Variants in MCF2 observed in about 807,000 individuals in gnomAD.
The protein encoded by MCF2 is proto-oncogene DBL.
MCF2 carries 44 observed loss-of-function variants against 82.5 expected under a neutral mutation model. The ratio of observed to expected loss-of-function variants is 0.53; its 90% CI spans 0.42 to 0.69. MCF2 has a LOEUF of 0.69. Ranked by LOEUF, MCF2 falls within the 30% of genes least tolerant of loss-of-function variation. The probability of loss-of-function intolerance (pLI) is 0.00; values close to 1 mark genes in which losing one functional copy is unlikely to be tolerated. For missense variants in MCF2, 623 were observed against 663.1 expected, an observed-to-expected ratio of 0.94 and a Z score of 0.66; for synonymous variants, 217 against 224.9, an observed-to-expected ratio of 0.96 and a Z score of 0.32.
At chrX:139,652,453 T>C (rs1194143501) in intron 1 of MCF2, among the ~76,000 whole-genome samples, 1 of 111,611 alleles carries the variant, frequency 9.0e-6, no homozygotes, top group African/African-American at 3.3e-5. Context: ...CCTGGCATAA[T>C]GGTAAGTGTT....
rs1250376680 is a variant in MCF2, at chrX:139,595,150, A to G, written c.2277+1399T>C. 1.9e-3 allele frequency among the ~76,000 whole-genome samples: 206 copies of G among 109,075 alleles called. 1 individual carries two copies. The highest frequency in any genetic ancestry group is 6.5e-3 in the African/African-American group (193 of 29,872). The allele number at this position is 109,075 out of a possible 115,157, so 94.7% of individuals were successfully genotyped here. A position where few individuals can be genotyped will look rare whatever the true frequency, so the allele number is the denominator to read the frequency against. ...AGTGGGACTGTAAACTAGTTCAACC[A>G]TTGTGGAAGTCAGTGTGGCGATTCC... On this transcript the variant is annotated intron_variant, in intron 19 of 24. Transcript: ENST00000370576.
At chrX:139,602,300 G>A (rs1255472659) in intron 16 of MCF2, 106 bp downstream of exon 20, 4 of 617,609 alleles carry the variant, frequency 6.5e-6, no homozygotes, top group South Asian at 2.5e-5. Flanking sequence ...ACTCATATAC[G>A]TATATGCACA....
At chrX:139,596,711 C>T (rs373695492) in exon 19 of MCF2, 12 of 1,207,963 alleles carry the variant, frequency 9.9e-6, no homozygotes, top group Non-Finnish European at 1.3e-5. Context: ...CTTTCTTGTG[C>T]CCTATCCAAA....
chrX:139,689,506 A>G (rs751761440), intron 1 of MCF2, among the ~76,000 whole-genome samples: 1 of 108,810 alleles, frequency 9.2e-6, no homozygotes, highest in South Asian at 4.0e-4. Context: ...AAGTAAAACC[A>G]CTCAACATGC....
chrX:139,626,603 A>G lies in MCF2; in HGVS notation c.572+20T>C, dbSNP rs1371229123. The G allele has an allele frequency of 2.5e-6, 3 of 1,193,483 alleles. No homozygotes were observed. In the African/African-American group the frequency reaches 5.3e-5, roughly 21 times the overall value. On this transcript the variant is annotated intron_variant, in intron 5 of 24. Transcript: ENST00000370576. Reference sequence around the variant, plus strand: ...AAAAATATAAAATAAGTAACTCTAAACCAAAAAGAGAGTACTCACTTATTA... The same window carrying G: ...AAAAATATAAAATAAGTAACTCTAAGCCAAAAAGAGAGTACTCACTTATTA...
chrX:139,655,905 T>TAAAAGTGGC (rs1018702857), intron 1 of MCF2, among the ~76,000 whole-genome samples: 4 of 112,160 alleles, frequency 3.6e-5, no homozygotes, highest in African/African-American at 1.3e-4. Context: ...TTGTGCTGAA[T>TAAAAGTGGC]AAAAGTGGCA....
chrX:139,680,242 G>A (rs1423819595), intron 1 of MCF2, among the ~76,000 whole-genome samples: 1 of 111,900 alleles, frequency 8.9e-6, no homozygotes, highest in Non-Finnish European at 1.9e-5. Flanking sequence ...TCCCGCCTAA[G>A]CCTTCTGAGT....
intron 1 of MCF2, among the ~76,000 whole-genome samples, chrX:139,699,512 A>C (rs982774502): frequency 2.7e-5 from 3 of 112,035 alleles, no homozygotes; most frequent in Non-Finnish European, 5.6e-5. Context: ...TTAAGGCCCC[A>C]CATCACCACC....
intron 19 of MCF2, among the ~76,000 whole-genome samples, chrX:139,591,746 C>A (rs558671567): frequency 9.1e-6 from 1 of 109,926 alleles, no homozygotes; most frequent in East Asian, 2.9e-4. Context: ...AGAGGAGGGA[C>A]GGAGGGAGAG....
intron 1 of MCF2, among the ~76,000 whole-genome samples, chrX:139,693,573 T>C (rs1405673863): frequency 1.8e-5 from 2 of 110,261 alleles, no homozygotes; most frequent in Non-Finnish European, 3.8e-5. Flanking sequence ...CTTCTCGGAG[T>C]TGATTTACAT....
chrX:139,673,993 G>C (rs886529447), intron 1 of MCF2, among the ~76,000 whole-genome samples: 1 of 111,316 alleles, frequency 9.0e-6, no homozygotes, highest in African/African-American at 3.3e-5. Flanking sequence ...TATGAATCTG[G>C]GTGTTCCTGT....
At chrX:139,673,745 C>G (rs1779492988) in intron 1 of MCF2, among the ~76,000 whole-genome samples, 2 of 111,729 alleles carry the variant, frequency 1.8e-5, no homozygotes, top group African/African-American at 6.5e-5. Flanking sequence ...ACTATGTGGT[C>G]AATTTTGGAA....
At chrX:139,594,889 A>C (rs1929909431) in intron 19 of MCF2, among the ~76,000 whole-genome samples, 2 of 111,476 alleles carry the variant, frequency 1.8e-5, no homozygotes, top group South Asian at 7.5e-4. Context: ...AGAAAAAAAC[A>C]AATAACCCCA....
intron 1 of MCF2, chrX:139,691,766 G>A (rs968805578): frequency 8.5e-6 from 4 of 471,506 alleles, no homozygotes; most frequent in Admixed American, 7.1e-5. Flanking sequence ...GAGGTGGGGG[G>A]GTTGTATAGA....
At chrX:139,696,618 G>A (rs1275461463) in intron 1 of MCF2, among the ~76,000 whole-genome samples, 3 of 110,712 alleles carry the variant, frequency 2.7e-5, no homozygotes, top group African/African-American at 9.9e-5. Context: ...TAGTAGAGAC[G>A]GGGTTTCGCC....
chrX:139,615,741 T>C lies in MCF2; in HGVS notation c.1191+541A>G, dbSNP rs763840568. Among the ~76,000 whole-genome samples, 15 of 112,030 alleles carry C rather than the reference T, an allele frequency of 1.3e-4. No homozygotes were observed. The South Asian group carries it at 1.9e-3, about 14-fold the overall frequency. On this transcript the variant is annotated intron_variant, in intron 9 of 24. Coordinates refer to ENST00000370576, the Ensembl canonical transcript of MCF2. Reference sequence around the variant, plus strand: ...TGCTCTTATCTACAATGTGGAAAATTCTTCATGTCATTTCCAAGGGGGCAG... The same window carrying C: ...TGCTCTTATCTACAATGTGGAAAATCCTTCATGTCATTTCCAAGGGGGCAG...
intron 1 of MCF2, among the ~76,000 whole-genome samples, chrX:139,684,662 C>T (rs1171583955): frequency 7.1e-5 from 8 of 112,194 alleles, no homozygotes; most frequent in South Asian, 3.7e-4. Flanking sequence ...AATGACACAA[C>T]GACAACATGA....
exon 16 of MCF2, chrX:139,602,489 A>C: frequency 8.5e-7 from 1 of 1,174,536 alleles, no homozygotes; most frequent in Non-Finnish European, 1.2e-6. Context: ...TACATCTGAA[A>C]ATCATCCTTC....
intron 19 of MCF2, among the ~76,000 whole-genome samples, chrX:139,593,655 G>A (rs369377696): frequency 4.5e-5 from 5 of 111,020 alleles, no homozygotes; most frequent in African/African-American, 9.8e-5. Context: ...CTGGCAAACC[G>A]AATCCAGCAG....
Sources: allele counts gnomAD v4.1 joint callset (sites outside exome capture counted in the v4.1 genomes callset), GRCh38; gene constraint gnomAD v4.1.1; transcripts MANE v1.5; gene names NCBI Gene and HGNC (gene_info 2026-07-23, HGNC 2026-07-21).